The following CACNG2 variants were observed in gnomAD, a reference collection of about 807,000 sequenced individuals.
CACNG2 encodes the protein voltage-dependent calcium channel gamma-2 subunit.
Under a neutral mutation model 25.9 loss-of-function variants are expected in CACNG2, and 3 were observed. The observed-to-expected ratio is 0.12, with a 90% CI of 0.05 to 0.30. The LOEUF (loss-of-function observed/expected upper bound fraction) is 0.30. CACNG2 is among the 10% of genes least tolerant of loss of function. The pLI is 1.00. For synonymous variants in CACNG2, 167 were observed against 173.3 expected (o/e 0.96, Z 0.29); for missense variants, 341 against 432.5 (o/e 0.79, Z 1.88).
intron 2 of CACNG2, 139 bp downstream of exon 2, chr22:36,587,326 G>A (rs1048179356): frequency 4.0e-5 from 30 of 747,396 alleles, no homozygotes; most frequent in Middle Eastern, 2.9e-4. Context: ...TCTGTACTCC[G>A]GAAAGGAGAG....
chr22:36,564,303 C>G lies in CACNG2; in HGVS notation c.*48G>C, dbSNP rs1935085664. 5 of 1,568,276 alleles carry G rather than the reference C, an allele frequency of 3.2e-6. No homozygotes were observed. The highest frequency in any genetic ancestry group is 4.3e-6 in the Non-Finnish European group (5 of 1,153,108). ...GGGTCTCCCCGCCCCGCCCCGCCCC[C>G]GGGGACCGCGCCCTCCTCCCGCGGT... On this transcript the variant is annotated 3_prime_UTR_variant, in exon 4 of 4. Transcript: ENST00000300105. The surrounding 1 kb of genome is among the most constrained non-coding windows in gnomAD (Gnocchi z 6.7).
intron 1 of CACNG2, among the ~76,000 whole-genome samples, chr22:36,592,125 A>T (rs1569023077): frequency 6.6e-6 from 1 of 150,820 alleles, no homozygotes; most frequent in Admixed American, 6.7e-5. Flanking sequence ...TTGTGAGGTG[A>T]GTGCAACAGG....
At chr22:36,630,094 G>A (rs1194820416) in intron 1 of CACNG2, among the ~76,000 whole-genome samples, 2 of 152,180 alleles carry the variant, frequency 1.3e-5, no homozygotes, top group Non-Finnish European at 2.9e-5. Flanking sequence ...AGAAGGCAGT[G>A]CGGGAGGGAG....
At chr22:36,698,170 C>A (rs1473400559) in intron 1 of CACNG2, among the ~76,000 whole-genome samples, 1 of 152,146 alleles carries the variant, frequency 6.6e-6, no homozygotes, top group East Asian at 1.9e-4. Flanking sequence ...CTCTTCTTCG[C>A]CCTCTCTCCC....
chr22:36,682,622 C>T (rs866061030), intron 1 of CACNG2, among the ~76,000 whole-genome samples: 3 of 151,744 alleles, frequency 2.0e-5, no homozygotes, highest in Non-Finnish European at 2.9e-5. Context: ...AAGTGATAAA[C>T]GTTTGACTGC....
At chr22:36,611,538 A>G (rs2044546809) in intron 1 of CACNG2, among the ~76,000 whole-genome samples, 1 of 152,202 alleles carries the variant, frequency 6.6e-6, no homozygotes, top group South Asian at 2.1e-4. Context: ...CAGGACTGAC[A>G]TCAGGCAGGC....
chr22:36,678,627 T>C (rs1937046768), intron 1 of CACNG2, among the ~76,000 whole-genome samples: 1 of 127,260 alleles, frequency 7.9e-6, no homozygotes. Context: ...GCGATAACAT[T>C]CCCCCTACAG....
intron 1 of CACNG2, among the ~76,000 whole-genome samples, chr22:36,676,387 G>A (rs1290624889): frequency 1.3e-5 from 2 of 152,164 alleles, no homozygotes; most frequent in East Asian, 3.8e-4. Flanking sequence ...TAATGCAAAT[G>A]ACTACCATCG....
rs142172426 is a variant in CACNG2 at position 36,666,012 on chromosome 22, A to G, written c.211+36354T>C. On this transcript the variant is annotated intron_variant, in intron 1 of 3. Transcript: ENST00000300105. ...TGGATAAGCAAAACTGGGTATATACATATGGTGGAATATTATTCAGCCTTC... is the reference window on the plus strand; with the variant it reads ...TGGATAAGCAAAACTGGGTATATACGTATGGTGGAATATTATTCAGCCTTC... 2.7e-3 allele frequency among the ~76,000 whole-genome samples: 414 copies of G among 152,380 alleles called. 1 individual carries two copies. The highest frequency in any genetic ancestry group is 9.3e-3 in the African/African-American group (388 of 41,586).
intron 1 of CACNG2, among the ~76,000 whole-genome samples, chr22:36,648,169 T>C (rs1936556532): frequency 6.6e-6 from 1 of 152,202 alleles, no homozygotes; most frequent in African/African-American, 2.4e-5. Context: ...CAAGTCCTTC[T>C]CATCAACCTG....
At chr22:36,683,090 G>A (rs901649719) in intron 1 of CACNG2, among the ~76,000 whole-genome samples, 48 of 152,268 alleles carry the variant, frequency 3.2e-4, no homozygotes, top group African/African-American at 1.2e-3. Flanking sequence ...TGCTCTCAGC[G>A]CTTCCTTTGC....
In CACNG2 at chr22:36,564,172, T is replaced by G; in HGVS notation, c.*179A>C. 2.0e-6 allele frequency: 1 copy of G among 501,284 alleles called. No individual in the cohort carries two copies. The highest frequency in any genetic ancestry group is 3.4e-6 in the Non-Finnish European group (1 of 292,446). The allele number at this position is 501,284 out of a possible 1,614,324, so 31.1% of individuals were successfully genotyped here. A position where few individuals can be genotyped will look rare whatever the true frequency, so the allele number is the denominator to read the frequency against. On this transcript the variant is annotated 3_prime_UTR_variant, in exon 4 of 4. Coordinates refer to ENST00000300105, the MANE Select transcript of CACNG2 (RefSeq NM_006078.5). The surrounding 1 kb of genome is among the most constrained non-coding windows in gnomAD (Gnocchi z 6.7). ...TGTTCTTTTTTTTAAAATTTACTTG[T>G]TATGTTTTTTCTCTTTTTTTGTGTG...
chr22:36,635,732 AACCCAAGCTCATGATCC>A (rs1936347508), intron 1 of CACNG2, among the ~76,000 whole-genome samples: 1 of 152,008 alleles, frequency 6.6e-6, no homozygotes, highest in South Asian at 2.1e-4. Context: ...AAGGCACCTC[AACCCAAGCTCATGATCC>A]ACTCCCTTCT....
intron 1 of CACNG2, among the ~76,000 whole-genome samples, chr22:36,596,827 G>T (rs909279223): frequency 7.9e-5 from 12 of 151,928 alleles, no homozygotes; most frequent in Admixed American, 7.2e-4. Flanking sequence ...GTGTGATCAT[G>T]GCTCGCTGCA....
At chr22:36,666,534 G>A (rs1191118449) in intron 1 of CACNG2, among the ~76,000 whole-genome samples, 1 of 152,106 alleles carries the variant, frequency 6.6e-6, no homozygotes, top group African/African-American at 2.4e-5. Context: ...GGGGGAATGA[G>A]GAGTCATTGT....
Position 36,691,934 on chromosome 22 carries a change from G to A in CACNG2, c.211+10432C>T, listed in dbSNP as rs371169287. On this transcript the variant is annotated intron_variant, in intron 1 of 3. Transcript: ENST00000300105. ...GGAGACAAGAGCTATCAACACTAGC[G>A]AAAATTCAGGAAGGAGAAAGGATAA... 1.2e-4 allele frequency among the ~76,000 whole-genome samples: 18 copies of A among 152,292 alleles called. No individual in the cohort carries two copies. In the South Asian group the frequency reaches 3.5e-3, roughly 30 times the overall value.
intron 1 of CACNG2, among the ~76,000 whole-genome samples, chr22:36,680,275 A>G (rs1390956853): frequency 6.6e-6 from 1 of 151,696 alleles, no homozygotes; most frequent in African/African-American, 2.4e-5. Flanking sequence ...CACCATCACC[A>G]CCATCACCAC....
At chr22:36,576,984 T>A (rs1935327978) in intron 2 of CACNG2, among the ~76,000 whole-genome samples, 1 of 152,156 alleles carries the variant, frequency 6.6e-6, no homozygotes, top group African/African-American at 2.4e-5. Context: ...GCCGGATACA[T>A]CCCTGCTTCC....
At chr22:36,584,904 C>T (rs3788520) in intron 2 of CACNG2, 30,015 of 152,214 alleles carry the variant, frequency 0.2, 3,628 homozygotes, top group South Asian at 0.28. Context: ...GGACTCAGGC[C>T]CTCTCCACCC....
Sources: allele counts gnomAD v4.1 joint callset (sites outside exome capture counted in the v4.1 genomes callset), GRCh38; gene constraint gnomAD v4.1.1; non-coding constraint Gnocchi (gnomAD v3.1); transcripts MANE v1.5; gene names NCBI Gene and HGNC (gene_info 2026-07-23, HGNC 2026-07-21).